The following SPAG16 variants were observed in gnomAD, a reference collection of about 807,000 sequenced individuals.
The protein encoded by SPAG16 is sperm associated antigen 16, also known as sperm-associated antigen 16 protein.
Under a neutral mutation model 80.4 loss-of-function variants are expected in SPAG16, and 86 were observed. That is an observed-to-expected ratio of 1.07 (90% CI 0.90 to 1.28). The LOEUF is 1.28. Among genes scored for constraint, SPAG16 ranks in the 50% most tolerant of loss-of-function variants. SPAG16 has a pLI of 0.00. For synonymous variants in SPAG16, 294 were observed against 265.9 expected, an observed-to-expected ratio of 1.11 and a Z score of -1.03; for missense variants, 870 against 765.3, an observed-to-expected ratio of 1.14 and a Z score of -1.61.
rs1022978919 is a variant in SPAG16, at chr2:214,059,536, T to C, written c.1527+45459T>C. ...CAAGTCTGAGCCATACCTGGCCTTTTCTAATTTAAATTCCAGTGTTTTATT... is the reference window on the plus strand; with the variant it reads ...CAAGTCTGAGCCATACCTGGCCTTTCCTAATTTAAATTCCAGTGTTTTATT... On this transcript the variant is annotated intron_variant, in intron 13 of 15. Transcript: ENST00000331683. Among the ~76,000 whole-genome samples, 5 of 151,970 alleles carry C rather than the reference T, an allele frequency of 3.3e-5. No homozygotes were observed. The East Asian group carries it at 9.7e-4, about 29-fold the overall frequency.
At chr2:213,800,769 G>A (rs1043910188) in intron 10 of SPAG16, among the ~76,000 whole-genome samples, 16 of 152,132 alleles carry the variant, frequency 1.1e-4, no homozygotes, top group Non-Finnish European at 2.2e-4. Context: ...TTGTAGTGAT[G>A]CTTTGTATAA....
chr2:213,607,141 A>G (rs2061291204), intron 10 of SPAG16, among the ~76,000 whole-genome samples: 1 of 152,240 alleles, frequency 6.6e-6, no homozygotes, highest in South Asian at 2.1e-4. Context: ...AATAGTAATC[A>G]GCCATGAAAG....
At chr2:213,291,424 A>G (rs1461880864) in intron 1 of SPAG16, among the ~76,000 whole-genome samples, 1 of 152,230 alleles carries the variant, frequency 6.6e-6, no homozygotes, top group Non-Finnish European at 1.5e-5. Context: ...AATATAAATT[A>G]TATTGTGGAT....
chr2:214,114,705 G>A (rs2053846732), intron 14 of SPAG16, among the ~76,000 whole-genome samples: 1 of 152,188 alleles, frequency 6.6e-6, no homozygotes, highest in Admixed American at 6.5e-5. Flanking sequence ...TCCAGGTACA[G>A]TCTGTCACGG....
rs2075495117 is a variant in SPAG16 at position 213,517,809 on chromosome 2, T to C, written c.1070+27719T>C. Among the ~76,000 whole-genome samples, 3 of 152,084 alleles carry C rather than the reference T, an allele frequency of 2.0e-5. No homozygotes were observed. In the South Asian group the frequency reaches 6.2e-4, roughly 31 times the overall value. ...ACCATATACAAAAATTAACTCAAGA[T>C]GGATTAAAGATTTAAATGTAAGACC... On this transcript the variant is annotated intron_variant, in intron 10 of 15. Coordinates refer to ENST00000331683, the MANE Select transcript of SPAG16 (RefSeq NM_024532.5).
intron 10 of SPAG16, among the ~76,000 whole-genome samples, chr2:213,836,176 G>C (rs1026493328): frequency 5.6e-4 from 72 of 128,428 alleles, no homozygotes; most frequent in South Asian, 5.6e-3. Context: ...TTCATTATTC[G>C]CCCCCCCCCC....
chr2:214,407,642 C>T (rs1478010312), intron 15 of SPAG16, among the ~76,000 whole-genome samples: 1 of 152,112 alleles, frequency 6.6e-6, no homozygotes, highest in African/African-American at 2.4e-5. Context: ...TGTATAAACA[C>T]TTTCTCTATA....
chr2:213,772,207 G>A (rs2069292590), intron 10 of SPAG16, among the ~76,000 whole-genome samples: 1 of 152,070 alleles, frequency 6.6e-6, no homozygotes. Flanking sequence ...TGTAGCAATT[G>A]TGAATGGGAG....
chr2:213,598,002 C>G (rs1333731573), intron 10 of SPAG16, among the ~76,000 whole-genome samples: 1 of 152,120 alleles, frequency 6.6e-6, no homozygotes, highest in East Asian at 1.9e-4. Flanking sequence ...GGGCTGCTAT[C>G]TTTGAGGTTT....
intron 10 of SPAG16, among the ~76,000 whole-genome samples, chr2:213,574,148 T>A: frequency 6.6e-6 from 1 of 152,188 alleles, no homozygotes; most frequent in Non-Finnish European, 1.5e-5. Context: ...TACTTGTAGG[T>A]TATATGCTAT....
At chr2:213,916,798 T>C (rs754086285) in intron 11 of SPAG16, among the ~76,000 whole-genome samples, 2 of 152,234 alleles carry the variant, frequency 1.3e-5, no homozygotes, top group African/African-American at 2.4e-5. Context: ...TTAAGTTTAA[T>C]TAGGTCACAC....
chr2:213,360,001 A>G (rs1575355729), intron 7 of SPAG16, among the ~76,000 whole-genome samples: 1 of 152,160 alleles, frequency 6.6e-6, no homozygotes, highest in African/African-American at 2.4e-5. Flanking sequence ...AAAATAAATA[A>G]AATGGAGAAG....
intron 10 of SPAG16, among the ~76,000 whole-genome samples, chr2:213,810,967 C>T (rs2072115747): frequency 6.6e-6 from 1 of 152,074 alleles, no homozygotes; most frequent in African/African-American, 2.4e-5. Flanking sequence ...TGTGGTGTAG[C>T]TGTTTGATCC....
chr2:213,952,640 G>C (rs965083664), intron 12 of SPAG16, among the ~76,000 whole-genome samples: 10 of 152,032 alleles, frequency 6.6e-5, no homozygotes, highest in Non-Finnish European at 1.2e-4. Context: ...CTCTGGAATA[G>C]TTTTTCTTAG....
intron 10 of SPAG16, among the ~76,000 whole-genome samples, chr2:213,797,254 A>G (rs1295372219): frequency 6.6e-6 from 1 of 152,110 alleles, no homozygotes; most frequent in Non-Finnish European, 1.5e-5. Context: ...TAAAAAGAAA[A>G]TTTAGTTTAG....
intron 10 of SPAG16, among the ~76,000 whole-genome samples, chr2:213,835,101 T>C (rs2074001325): frequency 2.0e-5 from 3 of 152,092 alleles, no homozygotes; most frequent in Admixed American, 2.0e-4. Flanking sequence ...GACATTTTAG[T>C]GGGAAATTTA....
At chr2:213,941,913 C>G (rs529311187) in intron 12 of SPAG16, among the ~76,000 whole-genome samples, 3 of 152,278 alleles carry the variant, frequency 2.0e-5, no homozygotes, top group African/African-American at 7.2e-5. Flanking sequence ...CAACAACTTT[C>G]AAGTCTTAAT....
chr2:213,473,380 CA>C (rs1465188294), intron 9 of SPAG16, among the ~76,000 whole-genome samples: 1 of 152,148 alleles, frequency 6.6e-6, no homozygotes, highest in East Asian at 1.9e-4. Flanking sequence ...TTAGATCTGA[CA>C]TACAGAGAAG....
intron 13 of SPAG16, among the ~76,000 whole-genome samples, chr2:214,069,585 C>T (rs1490571391): frequency 2.6e-5 from 4 of 152,066 alleles, no homozygotes; most frequent in Admixed American, 2.6e-4. Context: ...ATCCCTTCAC[C>T]CTCATTCCAG....
Sources: gnomAD v4.1 joint callset for allele counts (sites outside exome capture counted in the v4.1 genomes callset) on GRCh38, gnomAD v4.1.1 for gene constraint, MANE v1.5 for transcripts, NCBI Gene and HGNC (gene_info 2026-07-23, HGNC 2026-07-21) for gene names.